THRB: variants seen among roughly 807,000 people sequenced by gnomAD.
THRB encodes the protein nuclear receptor subfamily 1 group A member 2.
Under a neutral mutation model 47.8 loss-of-function variants are expected in THRB, and 12 were observed. The ratio of observed to expected loss-of-function variants is 0.25; its 90% CI spans 0.16 to 0.41. The LOEUF (loss-of-function observed/expected upper bound fraction) is 0.41, where lower values mean the gene tolerates loss of function less well. Ranked by LOEUF, THRB falls within the 10% of genes least tolerant of loss-of-function variation. The pLI, the probability that THRB is intolerant of heterozygous loss-of-function variation, is 1.00. For missense variants in THRB, 348 were observed against 589.2 expected (o/e 0.59, Z 4.24); for synonymous variants, 218 against 212.2 (o/e 1.03, Z -0.24).
At chr3:24,133,865 G>T (rs1464680354) in intron 8 of THRB, among the ~76,000 whole-genome samples, 1 of 152,144 alleles carries the variant, frequency 6.6e-6, no homozygotes, top group Admixed American at 6.5e-5. Flanking sequence ...TGTGGGAGGT[G>T]GGCACACCGT....
intron 5 of THRB, among the ~76,000 whole-genome samples, chr3:24,158,252 G>A (rs1159195058): frequency 6.6e-6 from 1 of 152,046 alleles, no homozygotes; most frequent in Non-Finnish European, 1.5e-5. Flanking sequence ...CCCAAGAAAC[G>A]GACATCCTTT....
chr3:24,299,882 T>C (rs1382843775), intron 2 of THRB, among the ~76,000 whole-genome samples: 1 of 151,112 alleles, frequency 6.6e-6, no homozygotes, highest in Non-Finnish European at 1.5e-5. Flanking sequence ...TTCAGTGTGT[T>C]CCTATTGCTG....
At chr3:24,400,834 G>A (rs1464698705) in intron 1 of THRB, among the ~76,000 whole-genome samples, 1 of 152,018 alleles carries the variant, frequency 6.6e-6, no homozygotes, top group African/African-American at 2.4e-5. Flanking sequence ...TTGCCCCTCA[G>A]AACTTTCACT....
At chr3:24,214,781 T>C (rs1172966271) in intron 4 of THRB, among the ~76,000 whole-genome samples, 1 of 152,152 alleles carries the variant, frequency 6.6e-6, no homozygotes, top group African/African-American at 2.4e-5. Context: ...CTCATCTCAT[T>C]TGTAAAGGAG....
chr3:24,359,858 A>G (rs1349175284), intron 1 of THRB, among the ~76,000 whole-genome samples: 1 of 152,178 alleles, frequency 6.6e-6, no homozygotes, highest in Non-Finnish European at 1.5e-5. Context: ...TGCCTCCACC[A>G]GAGGGTGGCA....
chr3:24,358,938 T>C (rs1020474680), intron 1 of THRB, among the ~76,000 whole-genome samples: 2 of 152,164 alleles, frequency 1.3e-5, no homozygotes, highest in African/African-American at 4.8e-5. Flanking sequence ...CACGACTTCC[T>C]TGATATACAC....
chr3:24,228,252 A>G (rs1490412276), intron 4 of THRB, among the ~76,000 whole-genome samples: 1 of 152,138 alleles, frequency 6.6e-6, no homozygotes, highest in Non-Finnish European at 1.5e-5. Context: ...AAATTGCACA[A>G]AGAATTTGTG....
At chr3:24,475,485 A>G (rs1267155290) in intron 1 of THRB, among the ~76,000 whole-genome samples, 4 of 152,112 alleles carry the variant, frequency 2.6e-5, no homozygotes, top group Admixed American at 1.3e-4. Flanking sequence ...TAATTTGTGT[A>G]TGTGTGTATA....
chr3:24,437,611 C>T (rs901280585), intron 1 of THRB, among the ~76,000 whole-genome samples: 10 of 151,908 alleles, frequency 6.6e-5, no homozygotes, highest in South Asian at 6.2e-4. Context: ...ACTGTACACA[C>T]GTATCAAAAG....
At chr3:24,199,136 C>T (rs1189392311) in intron 4 of THRB, among the ~76,000 whole-genome samples, 3 of 152,148 alleles carry the variant, frequency 2.0e-5, no homozygotes, top group Non-Finnish European at 2.9e-5. Flanking sequence ...ATTATTTTAT[C>T]TAACTCAGAT....
chr3:24,294,175 C>G (rs1326728149), intron 3 of THRB, among the ~76,000 whole-genome samples: 1 of 152,176 alleles, frequency 6.6e-6, no homozygotes, highest in Non-Finnish European at 1.5e-5. Context: ...GTCAGACCAT[C>G]CTGAGGCAGC....
chr3:24,353,070 C>G (rs2063457675), intron 1 of THRB, among the ~76,000 whole-genome samples: 1 of 151,832 alleles, frequency 6.6e-6, no homozygotes, highest in Admixed American at 6.6e-5. Flanking sequence ...GGAGAGCAGG[C>G]AGACTGAACA....
intron 4 of THRB, among the ~76,000 whole-genome samples, chr3:24,216,890 C>G (rs976451853): frequency 6.6e-6 from 1 of 151,794 alleles, no homozygotes; most frequent in Non-Finnish European, 1.5e-5. Context: ...GTTCGATGGG[C>G]TATTTTATAT....
chr3:24,234,410 C>T (rs543161173), intron 3 of THRB, among the ~76,000 whole-genome samples: 4 of 152,216 alleles, frequency 2.6e-5, no homozygotes, highest in Admixed American at 2.0e-4. Context: ...AAAGGAGACA[C>T]AAGAGCTATT....
chr3:24,454,002 C>G (rs1187311726), intron 1 of THRB, among the ~76,000 whole-genome samples: 1 of 152,130 alleles, frequency 6.6e-6, no homozygotes, highest in East Asian at 1.9e-4. Context: ...CCGCTCTCTA[C>G]TTTCATGGCA....
intron 4 of THRB, among the ~76,000 whole-genome samples, chr3:24,191,943 G>A (rs1006090780): frequency 6.6e-5 from 10 of 152,202 alleles, no homozygotes; most frequent in African/African-American, 2.2e-4. Context: ...GCTTTTGGGT[G>A]TAACATTTGA....
intron 2 of THRB, among the ~76,000 whole-genome samples, chr3:24,336,017 G>T (rs544262240): frequency 1.3e-5 from 2 of 152,290 alleles, no homozygotes; most frequent in Admixed American, 6.5e-5. Flanking sequence ...CAAATTGGGG[G>T]CCACTGGAAG....
At chr3:24,328,871 A>C (rs192639862) in intron 2 of THRB, among the ~76,000 whole-genome samples, 1 of 152,200 alleles carries the variant, frequency 6.6e-6, no homozygotes, top group Non-Finnish European at 1.5e-5. Flanking sequence ...TATCAGATTA[A>C]TATCCAAACG....
At chr3:24,198,466 C>CCCT (rs2044236296) in intron 4 of THRB, among the ~76,000 whole-genome samples, 3 of 61,454 alleles carry the variant, frequency 4.9e-5, no homozygotes, top group Admixed American at 1.8e-4. Flanking sequence ...CCCCCCCCCC[C>CCCT]TTTTTTTTTT....
Sources: allele counts gnomAD v4.1 joint callset (sites outside exome capture counted in the v4.1 genomes callset), GRCh38; gene constraint gnomAD v4.1.1; transcripts MANE v1.5; gene names NCBI Gene and HGNC (gene_info 2026-07-23, HGNC 2026-07-21).